The following CYREN variants were observed in gnomAD, a reference collection of about 807,000 sequenced individuals.
The protein encoded by CYREN is cell cycle regulator of NHEJ.
A neutral mutation model predicts 9.7 loss-of-function variants in CYREN; 7 were observed. The ratio of observed to expected loss-of-function variants is 0.72; its 90% CI spans 0.41 to 1.36. The LOEUF is 1.36. Among genes scored for constraint, CYREN ranks in the 40% most tolerant of loss-of-function variants. CYREN has a pLI of 0.01. For missense variants in CYREN, 215 were observed against 198.1 expected, an observed-to-expected ratio of 1.09 and a Z score of -0.51; for synonymous variants, 76 against 77.9, an observed-to-expected ratio of 0.98 and a Z score of 0.13.
At position 135,096,978 on chromosome 7, in the gene CYREN, A is replaced by G. The variant is rs115392465; in HGVS notation, n.357-2396T>C. Among the ~76,000 whole-genome samples, 344 of 152,300 alleles carry G rather than the reference A, an allele frequency of 2.3e-3. 1 individual carries two copies. Among genetic ancestry groups the G allele is most frequent in the African/African-American group, 7.6e-3 (315 of 41,562 alleles). On this transcript the variant is annotated intron_variant and non_coding_transcript_variant, in intron 2 of 2. Transcript: ENST00000459937. ...GACTGAATCTCAGGAGTCCTGGAAG[A>G]GACAAGCAAGTACTTCTAAATCAAT...
chr7:135,110,361 AG>A (rs1217011521), intron 2 of CYREN, among the ~76,000 whole-genome samples: 1 of 152,194 alleles, frequency 6.6e-6, no homozygotes, highest in Non-Finnish European at 1.5e-5. Flanking sequence ...CTGGAGTTGC[AG>A]CCACTTTTGC....
intron 2 of CYREN, among the ~76,000 whole-genome samples, chr7:135,124,177 C>G (rs1310111463): frequency 7.3e-6 from 1 of 137,840 alleles, no homozygotes; most frequent in African/African-American, 2.7e-5. Context: ...CACATAGGCT[C>G]AAAATAAAGG....
chr7:135,126,868 T>C (rs1370611227), intron 2 of CYREN, among the ~76,000 whole-genome samples: 1 of 152,104 alleles, frequency 6.6e-6, no homozygotes, highest in African/African-American at 2.4e-5. Flanking sequence ...AAAAATTAAC[T>C]GAAGATGGAT....
Position 135,166,649 on chromosome 7 carries a change from C to T in CYREN, c.436G>A (p.Asp146Asn), listed in dbSNP as rs369283538. ...SRSPEEEEEE[D>N]VLKYVREIFF... is the part of the protein sequence containing the mutation. The stretch of plus-strand genomic sequence containing the variant: ...ATCTCCCGGACGTATTTCAGCACAT[C>T]CTCTTCCTCCTCCTCCTCAGGGCTC... Residue 146 changes from aspartate (D) to asparagine (N), a missense_variant, in exon 4 of 4, where the codon GAT (aspartate) becomes AAT (asparagine). Transcript: ENST00000393114. 1.5e-4 allele frequency: 241 copies of T among 1,605,416 alleles called. No individual in the cohort carries two copies. Among genetic ancestry groups the T allele is most frequent in the Non-Finnish European group, 2.0e-4 (234 of 1,179,346 alleles).
Position 135,138,585 on chromosome 7 carries a change from T to G in CYREN, n.356+30164A>C, listed in dbSNP as rs538717255. Among the ~76,000 whole-genome samples the G allele has an allele frequency of 3.9e-5, 6 of 152,066 alleles. No individual in the cohort carries two copies. The East Asian group carries it at 1.2e-3, about 29-fold the overall frequency. ...AATCAAATCATACAAAATATTCAATTAAAATAGAAGGAGGTAGAAAACAAG... is the reference window on the plus strand; with the variant it reads ...AATCAAATCATACAAAATATTCAATGAAAATAGAAGGAGGTAGAAAACAAG... On this transcript the variant is annotated intron_variant and non_coding_transcript_variant, in intron 2 of 2. Coordinates refer to the CYREN transcript ENST00000459937.
At chr7:135,105,448 T>C (rs1824547306) in intron 2 of CYREN, among the ~76,000 whole-genome samples, 1 of 152,232 alleles carries the variant, frequency 6.6e-6, no homozygotes, top group African/African-American at 2.4e-5. Context: ...ATCTTCTGCA[T>C]ATGGCTAGCC....
downstream of CYREN, chr7:135,164,627 A>C (rs1403107130): frequency 3.7e-6 from 6 of 1,613,904 alleles, no homozygotes; most frequent in Non-Finnish European, 5.1e-6. Context: ...CCAGCACCCT[A>C]CAGTGTCACC....
chr7:135,170,718 C>T (rs1328221900), upstream of CYREN: 1 of 152,450 alleles, frequency 6.6e-6, no homozygotes, highest in Non-Finnish European at 1.5e-5. Context: ...GGCCGCCCGC[C>T]TCTTCCGGCC....
At chr7:135,164,369 A>G, downstream of CYREN, 1 of 1,430,290 alleles carries the variant, frequency 7.0e-7, no homozygotes, top group Admixed American at 1.8e-5. Flanking sequence ...GTCTGGACAC[A>G]GGGAACAAGC....
downstream of CYREN, among the ~76,000 whole-genome samples, chr7:135,162,957 G>A (rs1829983959): frequency 6.6e-6 from 1 of 152,190 alleles, no homozygotes. Flanking sequence ...ATTTTCTGTA[G>A]GCCAGTTAGG....
chr7:135,135,458 G>C (rs1829305229), intron 2 of CYREN: 1 of 393,650 alleles, frequency 2.5e-6, no homozygotes, highest in African/African-American at 2.1e-5. Context: ...GAAATCCAGA[G>C]AAAATATGGA....
intron 2 of CYREN, among the ~76,000 whole-genome samples, chr7:135,097,691 T>G (rs1342366985): frequency 6.6e-6 from 1 of 152,100 alleles, no homozygotes; most frequent in Non-Finnish European, 1.5e-5. Context: ...CCTGAAAACA[T>G]ACAGAAGCAC....
At position 135,151,774 on chromosome 7, in the gene CYREN, C is replaced by T. The variant is rs759472752; in HGVS notation, n.356+16975G>A. Among the ~76,000 whole-genome samples the T allele has an allele frequency of 2.6e-5, 4 of 152,150 alleles. No homozygotes were observed. Among genetic ancestry groups the T allele is most frequent in the Non-Finnish European group, 5.9e-5 (4 of 68,034 alleles). ...GGCTCAGGCTGGCTATGTAACTTGC[C>T]CAAGGTCATATGACTAGTGAGTGAC... is the stretch of plus-strand genomic sequence containing the variant. On this transcript the variant is annotated intron_variant and non_coding_transcript_variant, in intron 2 of 2. Transcript: ENST00000459937. The surrounding 1 kb of genome is among the most constrained non-coding windows in gnomAD (Gnocchi z 4.3).
chr7:135,129,410 G>C (rs990755856), intron 2 of CYREN: 1 of 805,726 alleles, frequency 1.2e-6, no homozygotes, highest in African/African-American at 1.7e-5. Flanking sequence ...GGTATGATAA[G>C]AGGGTGATTC....
At chr7:135,164,866 T>A, downstream of CYREN, 2 of 1,614,166 alleles carry the variant, frequency 1.2e-6, no homozygotes, top group Non-Finnish European at 1.7e-6. Flanking sequence ...TGGAAGTGGG[T>A]CAGGCTCTCC....
At position 135,128,726 on chromosome 7, in the gene CYREN, T is replaced by G. The variant is rs531683302; in HGVS notation, n.357-34144A>C. 1.7e-5 allele frequency: 23 copies of G among 1,380,896 alleles called. No individual in the cohort carries two copies. In the African/African-American group the frequency reaches 3.0e-4, roughly 18 times the overall value. The allele number at this position is 1,380,896 out of a possible 1,614,324, so 85.5% of individuals were successfully genotyped here. ...TCAAGATTGATTCTCAGAAAAAAAGTGCAGAGAAGGACAGCTCAAGCCTCT... is the reference window on the plus strand; with the variant it reads ...TCAAGATTGATTCTCAGAAAAAAAGGGCAGAGAAGGACAGCTCAAGCCTCT... On this transcript the variant is annotated intron_variant and non_coding_transcript_variant, in intron 2 of 2. Transcript: ENST00000459937.
intron 2 of CYREN, among the ~76,000 whole-genome samples, chr7:135,108,422 A>C (rs1351743339): frequency 6.6e-6 from 1 of 152,174 alleles, no homozygotes; most frequent in East Asian, 1.9e-4. Context: ...CTCCCTCAGC[A>C]TTGGCTTATC....
At chr7:135,094,603 G>T in intron 2 of CYREN, 1 of 451,076 alleles carries the variant, frequency 2.2e-6, no homozygotes, top group Non-Finnish European at 4.4e-6. Flanking sequence ...GAGAAGAAGA[G>T]TAAACATTGT....
rs146086838 is a variant in CYREN at position 135,145,827 on chromosome 7, G to A, written n.356+22922C>T. ...AGTATTACAGTAAAGCAAATCACACGAATTTCTGGTTTCCCAGTGCATATA... is the reference window on the plus strand; with the variant it reads ...AGTATTACAGTAAAGCAAATCACACAAATTTCTGGTTTCCCAGTGCATATA... On this transcript the variant is annotated intron_variant and non_coding_transcript_variant, in intron 2 of 2. Coordinates refer to the CYREN transcript ENST00000459937. 1.1e-3 allele frequency among the ~76,000 whole-genome samples: 174 copies of A among 152,168 alleles called. 1 individual carries two copies. Among genetic ancestry groups the A allele is most frequent in the Middle Eastern group, 0.01 (3 of 292 alleles).
Sources: gnomAD v4.1 joint callset for allele counts (sites outside exome capture counted in the v4.1 genomes callset) on GRCh38, gnomAD v4.1.1 for gene constraint, Gnocchi (gnomAD v3.1) non-coding constraint, MANE v1.5 for transcripts, NCBI Gene and HGNC (gene_info 2026-07-23, HGNC 2026-07-21) for gene names.